Variants in ARMC3 observed in about 807,000 individuals in gnomAD.
ARMC3 encodes armadillo repeat containing 3.
A neutral mutation model predicts 90.3 loss-of-function variants in ARMC3; 74 were observed. The observed-to-expected ratio is 0.82, with a 90% CI of 0.68 to 0.99. ARMC3 has a LOEUF of 0.99. ARMC3 is among the 50% of genes least tolerant of loss of function. ARMC3 has a pLI of 0.00. For missense variants in ARMC3, 958 were observed against 1,042.8 expected, an observed-to-expected ratio of 0.92 and a Z score of 1.12; for synonymous variants, 334 against 361.8, an observed-to-expected ratio of 0.92 and a Z score of 0.87.
At chr10:22,978,356 A>C (rs1257359687) in intron 8 of ARMC3, among the ~76,000 whole-genome samples, 1 of 152,220 alleles carries the variant, frequency 6.6e-6, no homozygotes, top group Non-Finnish European at 1.5e-5. Context: ...AATACCCAGC[A>C]AAGGGGAGAA....
chr10:22,976,123 A>G (rs1458921619), intron 8 of ARMC3, among the ~76,000 whole-genome samples: 1 of 152,168 alleles, frequency 6.6e-6, no homozygotes, highest in Admixed American at 6.5e-5. Context: ...TGGTTTATAT[A>G]AGAGGAAGGT....
At chr10:22,943,041 C>G (rs565443659) in intron 2 of ARMC3, among the ~76,000 whole-genome samples, 4 of 152,226 alleles carry the variant, frequency 2.6e-5, no homozygotes, top group African/African-American at 9.6e-5. Context: ...TAATGGTTAT[C>G]TCTCATGGGG....
At chr10:23,001,595 AGTGTTCAG>A (rs1475605752) in intron 11 of ARMC3, among the ~76,000 whole-genome samples, 1 of 152,136 alleles carries the variant, frequency 6.6e-6, no homozygotes, top group Non-Finnish European at 1.5e-5. Flanking sequence ...ATGAATAGTC[AGTGTTCAG>A]GAGCAGAGTG....
chr10:23,019,117 T>C (rs1252149314), intron 16 of ARMC3, among the ~76,000 whole-genome samples: 1 of 132,510 alleles, frequency 7.5e-6, no homozygotes, highest in Non-Finnish European at 1.7e-5. Context: ...AAGCCATTAT[T>C]TACCAGCTCA....
intron 8 of ARMC3, among the ~76,000 whole-genome samples, chr10:22,971,063 A>G (rs1835661594): frequency 6.6e-6 from 1 of 152,172 alleles, no homozygotes; most frequent in Admixed American, 6.5e-5. Flanking sequence ...TCCTCATACA[A>G]ACTCCTGGCA....
At chr10:22,931,136 C>T (rs1197814210) in intron 1 of ARMC3, among the ~76,000 whole-genome samples, 1 of 152,148 alleles carries the variant, frequency 6.6e-6, no homozygotes, top group South Asian at 2.1e-4. Flanking sequence ...ACTGTGTTGG[C>T]CAGGATGGTC....
chr10:22,983,167 G>A lies in ARMC3; in HGVS notation c.1175+1467G>A, dbSNP rs527782113. The stretch of plus-strand genomic sequence containing the variant: ...TATCAGAGACACTAAACCATTTCTC[G>A]CTCCAGTCCATTTACATTTGTATAT... On this transcript the variant is annotated intron_variant, in intron 10 of 18. Coordinates refer to ENST00000298032, the MANE Select transcript of ARMC3 (RefSeq NM_173081.5). 4.6e-5 allele frequency among the ~76,000 whole-genome samples: 7 copies of A among 152,138 alleles called. No homozygotes were observed. The Middle Eastern group carries it at 0.014, about 296-fold the overall frequency.
Position 22,937,351 on chromosome 10 carries a change from C to T in ARMC3, c.48+5307C>T, listed in dbSNP as rs183343376. On this transcript the variant is annotated intron_variant, in intron 2 of 18. Transcript: ENST00000298032. ...TTCTTCTGTGGTGATCATGACATACCCATCCTTAACCATAGTATCCTTATT... is the reference window on the plus strand; with the variant it reads ...TTCTTCTGTGGTGATCATGACATACTCATCCTTAACCATAGTATCCTTATT... Among the ~76,000 whole-genome samples, 35 of 152,084 alleles carry T rather than the reference C, an allele frequency of 2.3e-4. No individual in the cohort carries two copies. The East Asian group carries it at 6.7e-3, about 29-fold the overall frequency.
At position 22,985,113 on chromosome 10, in the gene ARMC3, C is replaced by G. The variant is rs373725316; in HGVS notation, c.1175+3413C>G. Among the ~76,000 whole-genome samples the G allele has an allele frequency of 4.4e-3, 595 of 136,068 alleles. 8 individuals are homozygous for G. Among genetic ancestry groups the G allele is most frequent in the African/African-American group, 0.015 (539 of 36,586 alleles). 89.3% of individuals were successfully genotyped at this position (136,068 alleles called of 152,430 possible). ...TACCATGTTGCCCAGGCTGGTCTCT[C>G]AAACTCCTGAGCTCAAGCAATCCTC... On this transcript the variant is annotated intron_variant, in intron 10 of 18. Coordinates refer to ENST00000298032, the MANE Select transcript of ARMC3 (RefSeq NM_173081.5).
chr10:23,003,398 T>C lies in ARMC3; in HGVS notation c.1715T>C (p.Phe572Ser), dbSNP rs1588903773. 1 of 1,605,550 alleles carries C rather than the reference T, an allele frequency of 6.2e-7. No homozygotes were observed. Among genetic ancestry groups the C allele is most frequent in the African/African-American group, 1.3e-5 (1 of 74,886 alleles). The change falls in exon 13 of 19, where the codon TTC (phenylalanine) becomes TCC (serine). Residue 572 changes from phenylalanine (F) to serine (S), a missense_variant. Transcript: ENST00000298032. ...LSSSNIINDG[F>S]YDYGRINPGT... ...TCAAGTAACATAATTAACGATGGAT[T>C]CTATGATTATGGTCGGGTAAGTGAC...
At chr10:22,932,958 G>A (rs775445174) in intron 2 of ARMC3, among the ~76,000 whole-genome samples, 2 of 152,210 alleles carry the variant, frequency 1.3e-5, no homozygotes, top group Non-Finnish European at 2.9e-5. Flanking sequence ...TCCCGTTGTT[G>A]TATGAATTAA....
chr10:22,953,843 A>G (rs1178050520), intron 3 of ARMC3, among the ~76,000 whole-genome samples: 1 of 152,224 alleles, frequency 6.6e-6, no homozygotes, highest in East Asian at 1.9e-4. Context: ...ATTAATTCAT[A>G]TTGTAGCATT....
intron 8 of ARMC3, among the ~76,000 whole-genome samples, chr10:22,971,625 G>T (rs540188235): frequency 6.6e-6 from 1 of 151,880 alleles, no homozygotes; most frequent in South Asian, 2.1e-4. Context: ...ATTTGTAGTA[G>T]AGACATGATT....
chr10:22,974,689 C>A (rs1835840919), intron 8 of ARMC3, among the ~76,000 whole-genome samples: 1 of 151,908 alleles, frequency 6.6e-6, no homozygotes, highest in Non-Finnish European at 1.5e-5. Context: ...GTTGCCCAGG[C>A]TGGAGTGCAG....
intron 7 of ARMC3, among the ~76,000 whole-genome samples, chr10:22,965,251 C>T (rs1271545566): frequency 1.3e-5 from 2 of 152,196 alleles, no homozygotes; most frequent in Admixed American, 1.3e-4. Flanking sequence ...AATATAATGG[C>T]ATAAATTCTG....
At chr10:23,009,726 T>C (rs913909570) in intron 16 of ARMC3, among the ~76,000 whole-genome samples, 7 of 152,214 alleles carry the variant, frequency 4.6e-5, no homozygotes, top group Non-Finnish European at 1.0e-4. Context: ...CTCAAACTCC[T>C]GACCTCGTGA....
intron 16 of ARMC3, among the ~76,000 whole-genome samples, chr10:23,023,018 C>T (rs74124519): frequency 0.014 from 2,091 of 152,204 alleles, 51 homozygotes; most frequent in African/African-American, 0.048. Context: ...AGGCTACCTT[C>T]TCTCACCAAG....
chr10:22,968,373 T>C lies in ARMC3; in HGVS notation c.800T>C (p.Met267Thr), dbSNP rs1835535133. 1.9e-6 allele frequency: 3 copies of C among 1,613,926 alleles called. No homozygotes were observed. The highest frequency in any genetic ancestry group is 2.5e-6 in the Non-Finnish European group (3 of 1,179,940). The change falls in exon 8 of 19, where the codon ATG becomes ACG. Residue 267 changes from methionine (M) to threonine (T), a missense_variant. Physicochemically the swap from Met to Thr is moderately conservative, Grantham distance 81 (BLOSUM62 -1). Transcript: ENST00000298032. The stretch of plus-strand genomic sequence containing the variant: ...AATTGCCTTGAAGACATGGATACTA[T>C]GGTGCAGATTCAGCAGACAGGGGGT... ...IANCLEDMDT[M>T]VQIQQTGGLK...
rs866987015 is a variant in ARMC3 at position 23,029,109 on chromosome 10, G to A, written c.2046-1487G>A. 1.1e-4 allele frequency among the ~76,000 whole-genome samples: 16 copies of A among 152,266 alleles called. No individual in the cohort carries two copies. In the South Asian group the frequency reaches 2.5e-3, roughly 24 times the overall value. ...ACCACTGTCACAGGATTCCTTATGG[G>A]CTTAGAATGCACAAGAATGAAGAAA... On this transcript the variant is annotated intron_variant, in intron 16 of 18. Coordinates refer to ENST00000298032, the MANE Select transcript of ARMC3 (RefSeq NM_173081.5).
Sources: gnomAD v4.1 joint callset for allele counts (sites outside exome capture counted in the v4.1 genomes callset) on GRCh38, gnomAD v4.1.1 for gene constraint, MANE v1.5 for transcripts, NCBI Gene and HGNC (gene_info 2026-07-23, HGNC 2026-07-21) for gene names.